STK32B: variants seen among roughly 807,000 people sequenced by gnomAD.
STK32B encodes serine/threonine-protein kinase 32B.
STK32B carries 43 observed loss-of-function variants against 52.6 expected under a neutral mutation model. That is an observed-to-expected ratio of 0.82 (90% CI 0.64 to 1.05). The LOEUF (loss-of-function observed/expected upper bound fraction) is 1.05, where lower values mean the gene tolerates loss of function less well. STK32B is among the 50% of genes least tolerant of loss of function. STK32B has a pLI of 0.00. For missense variants in STK32B, 621 were observed against 534.6 expected (o/e 1.16, Z -1.59); for synonymous variants, 238 against 204.3 (o/e 1.17, Z -1.41).
At chr4:5,170,637 ACTC>A (rs1030824749) in intron 3 of STK32B, among the ~76,000 whole-genome samples, 54 of 152,114 alleles carry the variant, frequency 3.5e-4, no homozygotes, top group African/African-American at 1.2e-3. Context: ...AAGGACATGA[ACTC>A]ATCATTTTTA....
chr4:5,410,924 A>G (rs1711603287), intron 5 of STK32B, among the ~76,000 whole-genome samples: 1 of 152,006 alleles, frequency 6.6e-6, no homozygotes, highest in South Asian at 2.1e-4. Flanking sequence ...TTCCAAGTTG[A>G]TATCTTGTAG....
intron 3 of STK32B, among the ~76,000 whole-genome samples, chr4:5,259,065 C>A (rs1280096867): frequency 6.6e-6 from 1 of 152,178 alleles, no homozygotes; most frequent in Non-Finnish European, 1.5e-5. Context: ...GACAACCTCC[C>A]TTTCTCCTCC....
chr4:5,274,934 T>TCATGCA (rs1727713207), intron 3 of STK32B, among the ~76,000 whole-genome samples: 1 of 152,208 alleles, frequency 6.6e-6, no homozygotes, highest in Admixed American at 6.5e-5. Flanking sequence ...TTGCCATTGT[T>TCATGCA]CATGCACGGC....
chr4:5,032,329 C>T, the STK32B span, among the ~76,000 whole-genome samples: 6 of 151,508 alleles, frequency 4.0e-5, no homozygotes, highest in African/African-American at 9.7e-5. Context: ...AAAAATTAGC[C>T]GGGCGTGGTG....
chr4:5,075,353 G>A (rs969458968), intron 1 of STK32B, among the ~76,000 whole-genome samples: 2 of 152,102 alleles, frequency 1.3e-5, no homozygotes, highest in East Asian at 1.9e-4. Context: ...AATGAAACCC[G>A]AAGGTTTTAT....
intron 3 of STK32B, among the ~76,000 whole-genome samples, chr4:5,310,587 G>A (rs1180446659): frequency 6.6e-6 from 1 of 152,048 alleles, no homozygotes; most frequent in East Asian, 1.9e-4. Context: ...CACTGTAGGT[G>A]GGAATTCAAA....
intron 1 of STK32B, among the ~76,000 whole-genome samples, chr4:5,131,177 T>C (rs998967869): frequency 2.6e-5 from 4 of 152,204 alleles, no homozygotes; most frequent in African/African-American, 9.6e-5. Context: ...GTAATGAGAA[T>C]GCCCCTTTCA....
chr4:5,066,149 A>G (rs1742416072), intron 1 of STK32B, among the ~76,000 whole-genome samples: 1 of 152,198 alleles, frequency 6.6e-6, no homozygotes, highest in South Asian at 2.1e-4. Flanking sequence ...CAACTTCACC[A>G]AACTAATTTT....
intron 7 of STK32B, among the ~76,000 whole-genome samples, chr4:5,448,921 A>T (rs1715718875): frequency 6.6e-6 from 1 of 151,998 alleles, no homozygotes; most frequent in Non-Finnish European, 1.5e-5. Flanking sequence ...GCTGAAAAAC[A>T]CTCATATTTA....
At chr4:5,335,014 C>G (rs564102243) in intron 4 of STK32B, among the ~76,000 whole-genome samples, 9,041 of 151,916 alleles carry the variant, frequency 0.06, 552 homozygotes, top group African/African-American at 0.16. Context: ...GGAGGATTCC[C>G]TCTTTTTCTA....
At chr4:5,303,183 C>T (rs187142295) in intron 3 of STK32B, among the ~76,000 whole-genome samples, 469 of 152,124 alleles carry the variant, frequency 3.1e-3, no homozygotes, top group African/African-American at 0.011. Flanking sequence ...TTCTTTTCCT[C>T]AGGGTAGATA....
intron 4 of STK32B, among the ~76,000 whole-genome samples, chr4:5,391,299 T>A (rs1174325254): frequency 6.6e-6 from 1 of 152,134 alleles, no homozygotes; most frequent in Admixed American, 6.5e-5. Flanking sequence ...TCACTGGATT[T>A]AGGGCTCAGC....
At chr4:5,270,598 C>T (rs1727359192) in intron 3 of STK32B, among the ~76,000 whole-genome samples, 1 of 152,198 alleles carries the variant, frequency 6.6e-6, no homozygotes, top group South Asian at 2.1e-4. Flanking sequence ...CTACAGATAT[C>T]ATGATACTTA....
intron 11 of STK32B, among the ~76,000 whole-genome samples, chr4:5,482,923 C>T (rs1419021421): frequency 6.6e-6 from 1 of 152,310 alleles, no homozygotes; most frequent in Non-Finnish European, 1.5e-5. Flanking sequence ...AGCCTTGCAT[C>T]CCAGGGATGT....
intron 3 of STK32B, among the ~76,000 whole-genome samples, chr4:5,297,777 T>G (rs1729300785): frequency 6.6e-6 from 1 of 152,126 alleles, no homozygotes; most frequent in Middle Eastern, 3.2e-3. Context: ...TGAAGCCTAC[T>G]TCTGTCAATT....
At position 5,466,788 on chromosome 4, in the gene STK32B, T is replaced by A. The variant is rs2109165861; in HGVS notation, c.995T>A (p.Leu332Ter). 6.2e-7 allele frequency: 1 copy of A among 1,614,022 alleles called. No individual in the cohort carries two copies. Among genetic ancestry groups the A allele is most frequent in the Non-Finnish European group, 8.5e-7 (1 of 1,179,954 alleles). Residue 332 changes from leucine (L) to a stop codon, truncating the protein, a stop_gained, in exon 10 of 12, where the codon TTG becomes TAG. Transcript: ENST00000282908. LOFTEE classifies it high-confidence loss of function. ...CCACTTCACAAAAAGAAGAAGCGAT[T>A]GGCAAAGAACAGATCCAGGGATGGC... ...SKPLHKKKKR[L>*]AKNRSRDGTK...
At chr4:5,387,143 G>C (rs140645798) in intron 4 of STK32B, among the ~76,000 whole-genome samples, 1 of 152,224 alleles carries the variant, frequency 6.6e-6, no homozygotes, top group African/African-American at 2.4e-5. Flanking sequence ...AGCAGGAAGC[G>C]CTCGAGGATC....
intron 2 of STK32B, among the ~76,000 whole-genome samples, chr4:5,159,400 C>T (rs909800825): frequency 6.6e-6 from 1 of 150,574 alleles, no homozygotes; most frequent in African/African-American, 2.5e-5. Flanking sequence ...GGCTCATTAC[C>T]AGATGTTTTA....
chr4:5,240,053 TCTCTCTCTC>T (rs968493694), intron 3 of STK32B, among the ~76,000 whole-genome samples: 2 of 74,360 alleles, frequency 2.7e-5, no homozygotes, highest in African/African-American at 1.1e-3. Flanking sequence ...TCATTTCTCT[TCTCTCTCTC>T]TCTCTCTCTC....
Sources: allele counts gnomAD v4.1 joint callset (sites outside exome capture counted in the v4.1 genomes callset), GRCh38; gene constraint gnomAD v4.1.1; transcripts MANE v1.5; gene names NCBI Gene and HGNC (gene_info 2026-07-23, HGNC 2026-07-21).